Variants in DOCK6 observed in about 807,000 individuals in gnomAD.
DOCK6 encodes the protein dedicator of cytokinesis 6.
A neutral mutation model predicts 230.3 loss-of-function variants in DOCK6; 167 were observed. That is an observed-to-expected ratio of 0.73 (90% CI 0.64 to 0.82). The LOEUF (loss-of-function observed/expected upper bound fraction) is 0.82, where lower values mean the gene tolerates loss of function less well. Among genes scored for constraint, DOCK6 ranks in the 40% least tolerant of loss-of-function variants. DOCK6 has a pLI of 0.00. For synonymous variants in DOCK6, 1,148 were observed against 1,185.0 expected, an observed-to-expected ratio of 0.97 and a Z score of 0.64; for missense variants, 2,598 against 2,825.8, an observed-to-expected ratio of 0.92 and a Z score of 1.83.
Position 11,244,451 on chromosome 19 carries a change from C to CTTTTTT in DOCK6, c.1024-575_1024-570dup, listed in dbSNP as rs56722117. 5.0e-4 allele frequency among the ~76,000 whole-genome samples: 20 copies of CTTTTTT among 40,258 alleles called. 5 individuals are homozygous for CTTTTTT. Among genetic ancestry groups the CTTTTTT allele is most frequent in the South Asian group, 1.3e-3 (1 of 768 alleles). 26.4% of individuals were successfully genotyped at this position (40,258 alleles called of 152,430 possible). A position where few individuals can be genotyped will look rare whatever the true frequency, so the allele number is the denominator to read the frequency against. On this transcript the variant is annotated intron_variant, in intron 9 of 47. Transcript: ENST00000294618. ...TACAGGCATGACCCACCACACCTGG[C>CTTTTTT]TTTTTTTTTTTTTTTTTTTTTTTTT...
At position 11,201,825 on chromosome 19, in the gene DOCK6, C is replaced by T; in HGVS notation, c.5688+64G>A. On this transcript the variant is annotated intron_variant, in intron 44 of 47. Coordinates refer to ENST00000294618, the MANE Select transcript of DOCK6 (RefSeq NM_020812.4). The surrounding 1 kb of genome is among the most constrained non-coding windows in gnomAD (Gnocchi z 4.3). ...TGGGTCCCTGTGTCTACCCTCCCCT[C>T]CCCTCCCAGGGTCTGATGTCCCCTC... 8.3e-7 allele frequency: 1 copy of T among 1,201,994 alleles called. No individual in the cohort carries two copies. Among genetic ancestry groups the T allele is most frequent in the South Asian group, 1.4e-5 (1 of 72,252 alleles). 74.5% of individuals were successfully genotyped at this position (1,201,994 alleles called of 1,614,324 possible).
At chr19:11,259,858 A>G (rs2080257339) in intron 1 of DOCK6, among the ~76,000 whole-genome samples, 1 of 142,280 alleles carries the variant, frequency 7.0e-6, no homozygotes, top group African/African-American at 2.6e-5. Context: ...CTGGGATTAC[A>G]GACCTGGGCC....
intron 39 of DOCK6, chr19:11,205,820 T>C (rs2079250465): frequency 6.6e-6 from 1 of 151,202 alleles, no homozygotes; most frequent in Non-Finnish European, 1.5e-5. Context: ...AGGCAGGGTT[T>C]CTCTATGTTG....
chr19:11,211,428 C>A (rs1342804021), intron 37 of DOCK6, among the ~76,000 whole-genome samples: 1 of 151,452 alleles, frequency 6.6e-6, no homozygotes, highest in Non-Finnish European at 1.5e-5. Context: ...ATCTGTCATC[C>A]TCATCAGTAC....
chr19:11,253,624 C>T lies in DOCK6; in HGVS notation c.132+15G>A. ...AGAGGGCAGAGGGCTGGGGGCGGAC[C>T]CCCCAAATACTTACCCCCAGGGAGC... On this transcript the variant is annotated intron_variant, in intron 2 of 47. Coordinates refer to ENST00000294618, the MANE Select transcript of DOCK6 (RefSeq NM_020812.4). The T allele has an allele frequency of 1.4e-6, 2 of 1,396,126 alleles. No individual in the cohort carries two copies. The highest frequency in any genetic ancestry group is 1.7e-5 in the South Asian group (1 of 57,702). The allele number at this position is 1,396,126 out of a possible 1,614,324, so 86.5% of individuals were successfully genotyped here.
In DOCK6 at chr19:11,222,652, C is replaced by CAG; in HGVS notation, c.3240+81_3240+82dup. The CAG allele has an allele frequency of 7.1e-7, 1 of 1,405,736 alleles. No individual in the cohort carries two copies. Among genetic ancestry groups the CAG allele is most frequent in the Non-Finnish European group, 9.6e-7 (1 of 1,039,486 alleles). 87.1% of individuals were successfully genotyped at this position (1,405,736 alleles called of 1,614,324 possible). ...AGGCAGTGGTCCACCGTGAAAGGGA[C>CAG]AGAGATGAGGGAACCATAGGAGATG... On this transcript the variant is annotated intron_variant, in intron 26 of 47. Transcript: ENST00000294618. The surrounding 1 kb of genome is among the most constrained non-coding windows in gnomAD (Gnocchi z 4.0).
In DOCK6 at chr19:11,252,151, A is replaced by C. The variant is rs767335412; in HGVS notation, c.475T>G (p.Ser159Ala). The C allele has an allele frequency of 3.8e-6, 6 of 1,588,192 alleles. No individual in the cohort carries two copies. In the African/African-American group the frequency reaches 8.1e-5, roughly 21 times the overall value. The change falls in exon 5 of 48, where the codon TCT (serine) becomes GCT (alanine). Residue 159 changes from serine (S) to alanine (A), a missense_variant. Physicochemically the swap from Ser to Ala is moderately conservative, Grantham distance 99. Coordinates refer to ENST00000294618, the MANE Select transcript of DOCK6 (RefSeq NM_020812.4). ...TCAGGGCCGGACCTCTCGTCTCCAG[A>C]AGCATCCTGCTCAAAGACCTGGCGG... The part of the protein sequence containing the change: ...LPRQVFEQDA[S>A]GDERSGPEDS...
rs748048063 is a variant in DOCK6, at chr19:11,236,444, C to G, written c.2294G>C (p.Arg765Pro). Residue 765 changes from arginine to proline, a missense_variant, in exon 20 of 48, where the codon CGC (arginine) becomes CCC (proline). Transcript: ENST00000294618. The surrounding 1 kb of genome is among the most constrained non-coding windows in gnomAD (Gnocchi z 5.2). ...CACAAGGGGTTCGGGGCTGGCCAGGCGCAGTGCTGCAAGACTGGCCCGCAG... is the reference window on the plus strand; with the variant it reads ...CACAAGGGGTTCGGGGCTGGCCAGGGGCAGTGCTGCAAGACTGGCCCGCAG... ...QELRASLAAL[R>P]LASPEPLVAF... 1 of 1,590,538 alleles carries G rather than the reference C, an allele frequency of 6.3e-7. No individual in the cohort carries two copies. The highest frequency in any genetic ancestry group is 8.6e-7 in the Non-Finnish European group (1 of 1,169,358).
intron 14 of DOCK6, chr19:11,241,439 C>G: frequency 6.5e-7 from 1 of 1,543,856 alleles, no homozygotes; most frequent in Non-Finnish European, 8.8e-7. Context: ...ATTCTGACCC[C>G]CACAGGCTCA....
chr19:11,222,336 A>T lies in DOCK6; in HGVS notation c.3241-88T>A, dbSNP rs1400133496. Reference sequence around the variant, plus strand: ...TTAAAGCCATCTTGGAGGTGACAGAAATCATGGTGCCAATAGCCACAGATG... The same window carrying T: ...TTAAAGCCATCTTGGAGGTGACAGATATCATGGTGCCAATAGCCACAGATG... On this transcript the variant is annotated intron_variant, in intron 26 of 47. Coordinates refer to ENST00000294618, the MANE Select transcript of DOCK6 (RefSeq NM_020812.4). The surrounding 1 kb of genome is among the most constrained non-coding windows in gnomAD (Gnocchi z 4.0). 3 of 1,490,504 alleles carry T rather than the reference A, an allele frequency of 2.0e-6. No individual in the cohort carries two copies. Among genetic ancestry groups the T allele is most frequent in the South Asian group, 1.3e-5 (1 of 79,410 alleles). The allele number at this position is 1,490,504 out of a possible 1,614,324, so 92.3% of individuals were successfully genotyped here. A position where few individuals can be genotyped will look rare whatever the true frequency, so the allele number is the denominator to read the frequency against.
intron 30 of DOCK6, 152 bp downstream of exon 30, chr19:11,216,762 A>G (rs1022168332): frequency 3.9e-6 from 3 of 777,822 alleles, no homozygotes; most frequent in African/African-American, 1.7e-5. Flanking sequence ...TCCTTGCCTC[A>G]GCACAGAAAC....
intron 14 of DOCK6, chr19:11,240,319 G>C: frequency 6.5e-7 from 1 of 1,529,104 alleles, no homozygotes; most frequent in Non-Finnish European, 8.8e-7. Flanking sequence ...CCCAACCCTA[G>C]TGGGCTGAGA....
intron 29 of DOCK6, 27 bp downstream of exon 29, chr19:11,217,204 T>A (rs760895536): frequency 6.2e-7 from 1 of 1,607,832 alleles, no homozygotes; most frequent in South Asian, 1.1e-5. Context: ...GTGGATGATG[T>A]CTATGGGGAC....
Position 11,202,146 on chromosome 19 carries a change from G to A in DOCK6, c.5452-21C>T. On this transcript the variant is annotated intron_variant, in intron 43 of 47. Coordinates refer to ENST00000294618, the MANE Select transcript of DOCK6 (RefSeq NM_020812.4). The surrounding 1 kb of genome is among the most constrained non-coding windows in gnomAD (Gnocchi z 5.3). ...TAGGCCTGGGCGCAGGGTCAGGTGT[G>A]AGGATCCCACAGCCCCAGCACGCAC... 6.2e-7 allele frequency: 1 copy of A among 1,610,790 alleles called. No homozygotes were observed. Among genetic ancestry groups the A allele is most frequent in the Non-Finnish European group, 8.5e-7 (1 of 1,177,230 alleles).
chr19:11,247,020 C>G (rs1048012859), intron 7 of DOCK6, among the ~76,000 whole-genome samples: 2 of 152,228 alleles, frequency 1.3e-5, no homozygotes, highest in African/African-American at 4.8e-5. Flanking sequence ...CTCCAGGACT[C>G]TAGGCACTTT....
intron 14 of DOCK6, chr19:11,239,758 G>C: frequency 6.2e-7 from 1 of 1,612,244 alleles, no homozygotes; most frequent in Non-Finnish European, 8.5e-7. Context: ...GCTCTTCCAT[G>C]GGACCCTGCA....
In DOCK6 at chr19:11,250,961, G is replaced by A. The variant is rs199633083; in HGVS notation, c.633C>T (p.Ala211=). The A allele has an allele frequency of 1.9e-5, 30 of 1,613,726 alleles. No homozygotes were observed. In the East Asian group the frequency reaches 2.0e-4, roughly 11 times the overall value. ...CATTGCGCCGGTCCACATCTTCTGG[G>A]GCCGCCCGCTCTAGCAGAGAGGGCA... ...SLLPSLLERA[A]PEDVDRRNET... is the part of the protein sequence containing the mutation. The change falls in exon 6 of 48, where the codon GCC becomes GCT. Residue 211 remains alanine, a synonymous_variant. Transcript: ENST00000294618.
chr19:11,227,193 A>C, intron 24 of DOCK6, 144 bp downstream of exon 24: 1 of 1,156,774 alleles, frequency 8.6e-7, no homozygotes, highest in East Asian at 2.5e-5. Context: ...CTTAAGAAAC[A>C]GACAATGAAT....
intron 14 of DOCK6, chr19:11,241,641 G>A: frequency 1.3e-6 from 2 of 1,570,920 alleles, no homozygotes; most frequent in Non-Finnish European, 8.6e-7. Flanking sequence ...CCTGGGCTGA[G>A]CCACATCTCC....
Sources: allele counts gnomAD v4.1 joint callset (sites outside exome capture counted in the v4.1 genomes callset), GRCh38; gene constraint gnomAD v4.1.1; non-coding constraint Gnocchi (gnomAD v3.1); transcripts MANE v1.5; gene names NCBI Gene and HGNC (gene_info 2026-07-23, HGNC 2026-07-21).